The following LRRC4C variants were observed in gnomAD, a reference collection of about 807,000 sequenced individuals.
The protein encoded by LRRC4C is leucine-rich repeat-containing protein 4C.
Under a neutral mutation model 33.6 loss-of-function variants are expected in LRRC4C, and 5 were observed. The ratio of observed to expected loss-of-function variants is 0.15; its 90% CI spans 0.08 to 0.31. The LOEUF is 0.31. Ranked by LOEUF, LRRC4C falls within the 10% of genes least tolerant of loss-of-function variation. The pLI, the probability that LRRC4C is intolerant of heterozygous loss-of-function variation, is 1.00. For synonymous variants in LRRC4C, 329 were observed against 302.0 expected (o/e 1.09, Z -0.93); for missense variants, 560 against 796.7 (o/e 0.70, Z 3.58).
Position 41,388,144 on chromosome 11 carries a change from G to C in LRRC4C, c.-496+71287C>G, listed in dbSNP as rs552739931. 4.6e-5 allele frequency among the ~76,000 whole-genome samples: 7 copies of C among 151,852 alleles called. No individual in the cohort carries two copies. The East Asian group carries it at 1.4e-3, about 29-fold the overall frequency. On this transcript the variant is annotated intron_variant, in intron 1 of 6. Transcript: ENST00000528697. ...TGCCTGGTATTTGAAAAAAAGATAG[G>C]CTTACACATCCATTCAGCAAATATT... is the stretch of plus-strand genomic sequence containing the variant.
At chr11:41,030,126 G>T (rs994636236) in intron 1 of LRRC4C, among the ~76,000 whole-genome samples, 3 of 151,814 alleles carry the variant, frequency 2.0e-5, no homozygotes, top group African/African-American at 7.3e-5. Flanking sequence ...CATAAAGGCT[G>T]TAAGAAAAAA....
At chr11:40,353,879 T>C (rs1947533082) in intron 3 of LRRC4C, among the ~76,000 whole-genome samples, 1 of 152,228 alleles carries the variant, frequency 6.6e-6, no homozygotes, top group African/African-American at 2.4e-5. Flanking sequence ...AGTGAGGTCA[T>C]GTTTTCCTGG....
At chr11:40,675,620 C>T (rs1944359967) in intron 2 of LRRC4C, among the ~76,000 whole-genome samples, 1 of 152,144 alleles carries the variant, frequency 6.6e-6, no homozygotes, top group Admixed American at 6.5e-5. Context: ...CTGTATGCAC[C>T]ACAAAGATGG....
chr11:41,079,409 A>G (rs1214503061), intron 1 of LRRC4C, among the ~76,000 whole-genome samples: 1 of 152,204 alleles, frequency 6.6e-6, no homozygotes, highest in Non-Finnish European at 1.5e-5. Flanking sequence ...AAGGATAGGC[A>G]CGTTTGATAT....
intron 1 of LRRC4C, among the ~76,000 whole-genome samples, chr11:41,264,398 C>T (rs921754328): frequency 1.3e-5 from 2 of 152,016 alleles, no homozygotes; most frequent in African/African-American, 4.8e-5. Flanking sequence ...CCATAAATTT[C>T]CTTTTAAAGA....
chr11:40,439,013 C>A (rs1393201983), intron 3 of LRRC4C, among the ~76,000 whole-genome samples: 2 of 149,766 alleles, frequency 1.3e-5, no homozygotes, highest in South Asian at 2.1e-4. Context: ...TCACTGCAAC[C>A]TCCGCCTCCC....
At chr11:41,344,301 G>A (rs1316371059) in intron 1 of LRRC4C, among the ~76,000 whole-genome samples, 15 of 144,076 alleles carry the variant, frequency 1.0e-4, no homozygotes, top group African/African-American at 2.8e-4. Context: ...GTCTCTGCTC[G>A]CTGCAACCTC....
rs1956783367 is a variant in LRRC4C at position 40,913,275 on chromosome 11, A to G, written c.-407+20360T>C. On this transcript the variant is annotated intron_variant, in intron 2 of 6. Coordinates refer to ENST00000528697, the MANE Select transcript of LRRC4C (RefSeq NM_001258419.2). ...TTCAGCACCACACCACACCTATTCC[A>G]AAATTGACCAAATACTTGGAAGTAA... is the stretch of plus-strand genomic sequence containing the variant. Among the ~76,000 whole-genome samples, 3 of 152,316 alleles carry G rather than the reference A, an allele frequency of 2.0e-5. No individual in the cohort carries two copies. The South Asian group carries it at 6.2e-4, about 32-fold the overall frequency.
intron 1 of LRRC4C, among the ~76,000 whole-genome samples, chr11:41,191,530 T>C (rs1178163314): frequency 3.3e-5 from 5 of 152,172 alleles, no homozygotes; most frequent in Non-Finnish European, 7.4e-5. Context: ...TTATAGTGAC[T>C]CTGTTCAATT....
intron 1 of LRRC4C, among the ~76,000 whole-genome samples, chr11:41,240,054 T>C (rs1217879913): frequency 3.9e-5 from 6 of 152,202 alleles, no homozygotes; most frequent in Admixed American, 2.6e-4. Context: ...AAGTCAGGTC[T>C]CTTATTTTAT....
intron 1 of LRRC4C, among the ~76,000 whole-genome samples, chr11:41,421,406 C>G (rs1954869062): frequency 1.3e-5 from 2 of 152,120 alleles, no homozygotes; most frequent in East Asian, 1.9e-4. Flanking sequence ...CAGGAAAACA[C>G]TAATTCAACA....
chr11:40,966,986 A>G lies in LRRC4C; in HGVS notation c.-495-33263T>C, dbSNP rs534426365. On this transcript the variant is annotated intron_variant, in intron 1 of 6. Coordinates refer to ENST00000528697, the MANE Select transcript of LRRC4C (RefSeq NM_001258419.2). ...ATGAGGTTGCACAGAAGTCTCTGAC[A>G]AATTCAGTAGAGATATCACCTACGA... Among the ~76,000 whole-genome samples, 3 of 152,160 alleles carry G rather than the reference A, an allele frequency of 2.0e-5. No homozygotes were observed. The East Asian group carries it at 5.8e-4, about 29-fold the overall frequency.
At chr11:40,916,703 T>A (rs4756625) in intron 2 of LRRC4C, among the ~76,000 whole-genome samples, 146,162 of 151,248 alleles carry the variant, frequency 0.97, 70,640 homozygotes, top group East Asian at 0.99. Flanking sequence ...ATAATAAAAA[T>A]AAATAAATAA....
intron 3 of LRRC4C, among the ~76,000 whole-genome samples, chr11:40,620,753 A>G (rs1962370683): frequency 1.3e-5 from 2 of 151,880 alleles, no homozygotes; most frequent in African/African-American, 4.8e-5. Flanking sequence ...TGCATTGATC[A>G]TTTAGCGAAC....
At chr11:40,177,717 C>T (rs199870411) in intron 5 of LRRC4C, among the ~76,000 whole-genome samples, 4 of 152,068 alleles carry the variant, frequency 2.6e-5, no homozygotes, top group Admixed American at 6.6e-5. Context: ...TCCATTTTTC[C>T]GTTGTTGTTA....
intron 3 of LRRC4C, among the ~76,000 whole-genome samples, chr11:40,563,013 C>A (rs1319876020): frequency 6.6e-6 from 1 of 151,234 alleles, no homozygotes; most frequent in Non-Finnish European, 1.5e-5. Context: ...TCTCTTCCTT[C>A]TCCTCTCCTC....
chr11:40,914,804 G>A (rs1490813678), intron 2 of LRRC4C, among the ~76,000 whole-genome samples: 4 of 152,136 alleles, frequency 2.6e-5, no homozygotes, highest in East Asian at 1.9e-4. Flanking sequence ...AAACCCCATC[G>A]TCTCAGCCCA....
chr11:40,475,142 T>C (rs1357511632), intron 3 of LRRC4C, among the ~76,000 whole-genome samples: 3 of 151,988 alleles, frequency 2.0e-5, no homozygotes, highest in Non-Finnish European at 4.4e-5. Context: ...ATTACAAACA[T>C]ACATGCACAT....
intron 1 of LRRC4C, among the ~76,000 whole-genome samples, chr11:41,438,064 A>AATAAATAAATAAATAC (rs71063917): frequency 0.029 from 4,242 of 148,618 alleles, 83 homozygotes; most frequent in African/African-American, 0.034. Flanking sequence ...TAAATAAATA[A>AATAAATAAATAAATAC]ATAAATAATA....
Sources: gnomAD v4.1 joint callset for allele counts (sites outside exome capture counted in the v4.1 genomes callset) on GRCh38, gnomAD v4.1.1 for gene constraint, MANE v1.5 for transcripts, NCBI Gene and HGNC (gene_info 2026-07-23, HGNC 2026-07-21) for gene names.